The following NOL4 variants were observed in gnomAD, a reference collection of about 807,000 sequenced individuals.
NOL4 encodes the protein cancer/testis antigen 125.
NOL4 carries 17 observed loss-of-function variants against 75.9 expected under a neutral mutation model. That is an observed-to-expected ratio of 0.22 (90% CI 0.15 to 0.34). The LOEUF is 0.34. Ranked by LOEUF, NOL4 falls within the 10% of genes least tolerant of loss-of-function variation. The pLI, the probability that NOL4 is intolerant of heterozygous loss-of-function variation, is 1.00. For synonymous variants in NOL4, 292 were observed against 289.9 expected (o/e 1.01, Z -0.07); for missense variants, 614 against 793.5 (o/e 0.77, Z 2.72).
chr18:33,961,466 C>A (rs1244743260), intron 6 of NOL4, among the ~76,000 whole-genome samples: 1 of 152,076 alleles, frequency 6.6e-6, no homozygotes, highest in African/African-American at 2.4e-5. Context: ...GTTCTTAGGG[C>A]TTCAAACTTG....
chr18:34,042,174 T>C (rs1390834906), intron 5 of NOL4, among the ~76,000 whole-genome samples: 2 of 151,998 alleles, frequency 1.3e-5, no homozygotes, highest in African/African-American at 4.8e-5. Flanking sequence ...CTTTGCCTTT[T>C]CCTTACTCTA....
intron 9 of NOL4, among the ~76,000 whole-genome samples, chr18:33,909,903 A>G (rs889710828): frequency 6.6e-6 from 1 of 152,166 alleles, no homozygotes; most frequent in African/African-American, 2.4e-5. Flanking sequence ...TAAACTAATG[A>G]TTGGGGATGG....
intron 9 of NOL4, among the ~76,000 whole-genome samples, chr18:33,903,481 C>T (rs1397666845): frequency 6.6e-6 from 1 of 152,074 alleles, no homozygotes; most frequent in Non-Finnish European, 1.5e-5. Context: ...GTTTTGACTC[C>T]TGGGTACACA....
Position 33,958,336 on chromosome 18 carries a change from C to G in NOL4, c.1139G>C (p.Arg380Thr). The G allele has an allele frequency of 6.2e-7, 1 of 1,613,028 alleles. No homozygotes were observed. ...DRGAEDLSLN[R>T]GDEDEDDHED... ...GTGGTCATCTTCGTCCTCATCTCCC[C>G]TGTTTAGTGAGAGGTCCTCAGCTCC... Residue 380 changes from arginine to threonine, a missense_variant, in exon 7 of 11, where the codon AGG (arginine) becomes ACG (threonine). Physicochemically the swap from Arg to Thr is moderately conservative, Grantham distance 71. Around this residue, in one of 9 missense-constraint regions of NOL4, gnomAD observed 196 missense variants for 167.9 expected, o/e 1.17. Transcript: ENST00000261592.
chr18:33,860,171 C>A (rs1219913397), intron 10 of NOL4, among the ~76,000 whole-genome samples: 1 of 152,018 alleles, frequency 6.6e-6, no homozygotes, highest in East Asian at 1.9e-4. Context: ...GGGGAAACCA[C>A]CCCCATGGTC....
chr18:33,966,774 C>A (rs1326129377), intron 6 of NOL4, among the ~76,000 whole-genome samples: 1 of 152,100 alleles, frequency 6.6e-6, no homozygotes, highest in Non-Finnish European at 1.5e-5. Context: ...AGAATATATA[C>A]AACCAATGAG....
In NOL4 at chr18:34,223,447, C is replaced by T. The variant is rs2037458316; in HGVS notation, c.-194G>A. 3.0e-6 allele frequency: 2 copies of T among 674,920 alleles called. No individual in the cohort carries two copies. The highest frequency in any genetic ancestry group is 1.9e-5 in the South Asian group (1 of 51,860). The allele number at this position is 674,920 out of a possible 1,614,324, so 41.8% of individuals were successfully genotyped here. A position where few individuals can be genotyped will look rare whatever the true frequency, so the allele number is the denominator to read the frequency against. On this transcript the variant is annotated 5_prime_UTR_variant, in exon 1 of 11. Coordinates refer to ENST00000261592, the MANE Select transcript of NOL4 (RefSeq NM_003787.5). ...GGTTGGGCACCAGCAATCAATGCCCCGTGCTACCAAGTCTGGTCCATTCGT... is the reference window on the plus strand; with the variant it reads ...GGTTGGGCACCAGCAATCAATGCCCTGTGCTACCAAGTCTGGTCCATTCGT...
At chr18:33,888,371 C>G (rs1228386370) in intron 9 of NOL4, among the ~76,000 whole-genome samples, 1 of 152,080 alleles carries the variant, frequency 6.6e-6, no homozygotes, top group African/African-American at 2.4e-5. Flanking sequence ...TGTAGGTTGC[C>G]TGTTCACTCT....
chr18:34,202,990 T>C lies in NOL4; in HGVS notation c.264+20000A>G, dbSNP rs79237873. Among the ~76,000 whole-genome samples the C allele has an allele frequency of 1.3e-3, 201 of 152,138 alleles. 5 individuals carry two copies. In the East Asian group the frequency reaches 0.029, roughly 22 times the overall value. On this transcript the variant is annotated intron_variant, in intron 1 of 10. Coordinates refer to ENST00000261592, the MANE Select transcript of NOL4 (RefSeq NM_003787.5). Reference sequence around the variant, plus strand: ...TCACACAAAATCCTGTACACAAATATTTATAATGGCCTTATGTGTAACAGC... The same window carrying C: ...TCACACAAAATCCTGTACACAAATACTTATAATGGCCTTATGTGTAACAGC...
intron 5 of NOL4, among the ~76,000 whole-genome samples, chr18:34,049,144 A>G (rs909860105): frequency 2.7e-5 from 4 of 147,868 alleles, no homozygotes; most frequent in Non-Finnish European, 6.0e-5. Context: ...TCCAGCATCA[A>G]CGTCTGGAGC....
At chr18:34,012,860 G>A (rs2074454001) in intron 6 of NOL4, among the ~76,000 whole-genome samples, 1 of 151,942 alleles carries the variant, frequency 6.6e-6, no homozygotes, top group African/African-American at 2.4e-5. Flanking sequence ...ATTCCTTTCT[G>A]TATAGCTTGC....
At position 34,051,072 on chromosome 18, in the gene NOL4, A is replaced by G. The variant is rs1297222469; in HGVS notation, c.773-31471T>C. Among the ~76,000 whole-genome samples the G allele has an allele frequency of 5.3e-5, 8 of 152,140 alleles. No homozygotes were observed. In the East Asian group the frequency reaches 1.4e-3, roughly 26 times the overall value. ...ATCTTTATGAGAATTCAAGGAGTAAATATGTATAAATTTCTCATAATAATG... is the reference window on the plus strand; with the variant it reads ...ATCTTTATGAGAATTCAAGGAGTAAGTATGTATAAATTTCTCATAATAATG... On this transcript the variant is annotated intron_variant, in intron 5 of 10. Transcript: ENST00000261592.
intron 5 of NOL4, among the ~76,000 whole-genome samples, chr18:34,024,920 G>C (rs1188156396): frequency 6.6e-6 from 1 of 152,068 alleles, no homozygotes; most frequent in Non-Finnish European, 1.5e-5. Flanking sequence ...GAATCTAGAA[G>C]CATTTCTCAT....
intron 1 of NOL4, chr18:34,156,760 C>T (rs1163810271): frequency 6.6e-6 from 1 of 152,428 alleles, no homozygotes; most frequent in Non-Finnish European, 1.5e-5. Flanking sequence ...AATTCATTCT[C>T]CACCCTACAG....
intron 6 of NOL4, among the ~76,000 whole-genome samples, chr18:33,970,116 A>T (rs2070933389): frequency 6.6e-6 from 1 of 152,194 alleles, no homozygotes; most frequent in Non-Finnish European, 1.5e-5. Flanking sequence ...AGTCTGAGGA[A>T]CACACTTTGA....
At chr18:34,127,128 A>G (rs1462488605) in intron 2 of NOL4, among the ~76,000 whole-genome samples, 1 of 151,918 alleles carries the variant, frequency 6.6e-6, no homozygotes, top group Admixed American at 6.6e-5. Flanking sequence ...TATACCCTCC[A>G]ATTTTATCTA....
At chr18:34,214,226 A>T (rs9955215) in intron 1 of NOL4, among the ~76,000 whole-genome samples, 25,033 of 152,174 alleles carry the variant, frequency 0.16, 2,190 homozygotes, top group African/African-American at 0.23. Context: ...TGCATAAGAT[A>T]ACCTATTGAG....
chr18:33,978,291 G>A (rs2071664794), intron 6 of NOL4, among the ~76,000 whole-genome samples: 1 of 152,216 alleles, frequency 6.6e-6, no homozygotes, highest in South Asian at 2.1e-4. Flanking sequence ...TACCAGTACA[G>A]ACAAAGAGTC....
At chr18:34,024,143 A>G (rs2075197967) in intron 5 of NOL4, among the ~76,000 whole-genome samples, 1 of 146,298 alleles carries the variant, frequency 6.8e-6, no homozygotes, top group Non-Finnish European at 1.5e-5. Flanking sequence ...GCTCAGCATC[A>G]TGTCCTTTAG....
Sources: allele counts gnomAD v4.1 joint callset (sites outside exome capture counted in the v4.1 genomes callset), GRCh38; gene constraint gnomAD v4.1.1; regional missense constraint gnomAD v4.1.1; transcripts MANE v1.5; gene names NCBI Gene and HGNC (gene_info 2026-07-23, HGNC 2026-07-21).